Variants in GABPA observed in about 807,000 individuals in gnomAD.
GABPA encodes the protein GA binding protein transcription factor subunit alpha.
A neutral mutation model predicts 59.4 loss-of-function variants in GABPA; 4 were observed. The ratio of observed to expected loss-of-function variants is 0.07; its 90% CI spans 0.03 to 0.15. The LOEUF (loss-of-function observed/expected upper bound fraction) is 0.15, where lower values mean the gene tolerates loss of function less well. GABPA is among the 10% of genes least tolerant of loss of function. GABPA has a pLI of 1.00. For synonymous variants in GABPA, 164 were observed against 183.1 expected, an observed-to-expected ratio of 0.90 and a Z score of 0.84; for missense variants, 251 against 543.8, an observed-to-expected ratio of 0.46 and a Z score of 5.36.
intron 5 of GABPA, among the ~76,000 whole-genome samples, chr21:25,755,578 G>T (rs549270330): frequency 6.6e-6 from 1 of 152,212 alleles, no homozygotes; most frequent in South Asian, 2.1e-4. Flanking sequence ...TTGTGGAACT[G>T]GAAAAGGAAG....
Position 25,735,067 on chromosome 21 carries a change from G to A in GABPA, c.-538G>A. 3 of 1,108,530 alleles carry A rather than the reference G, an allele frequency of 2.7e-6. No individual in the cohort carries two copies. The highest frequency in any genetic ancestry group is 4.0e-6 in the Non-Finnish European group (3 of 755,168). 68.7% of individuals were successfully genotyped at this position (1,108,530 alleles called of 1,614,324 possible). On this transcript the variant is annotated 5_prime_UTR_variant, in exon 1 of 10. Coordinates refer to ENST00000400075, the MANE Select transcript of GABPA (RefSeq NM_002040.4). ...AGAAGCCAAACAGGAGGAGGAAGTG[G>A]AGGGTAAGTGCTTCCGGGTCCCCTG...
chr21:25,771,054 A>G lies in GABPA; in HGVS notation c.*1822A>G, dbSNP rs1401828778. The G allele has an allele frequency of 6.6e-6, 1 of 152,058 alleles. No individual in the cohort carries two copies. The highest frequency in any genetic ancestry group is 1.9e-4 in the East Asian group (1 of 5,202). 9.4% of individuals were successfully genotyped at this position (152,058 alleles called of 1,614,324 possible). A position where few individuals can be genotyped will look rare whatever the true frequency, so the allele number is the denominator to read the frequency against. On this transcript the variant is annotated 3_prime_UTR_variant, in exon 10 of 10. Transcript: ENST00000400075. ...ACAGAAGCTCTAACGTCAGGTAACA[A>G]ATAGACAGCAAGAAAGGTTTTGCAC... is the stretch of plus-strand genomic sequence containing the variant.
At chr21:25,748,315 G>A (rs79095416) in intron 3 of GABPA, among the ~76,000 whole-genome samples, 5 of 152,332 alleles carry the variant, frequency 3.3e-5, no homozygotes, top group South Asian at 4.1e-4. Flanking sequence ...AGTAGGACAT[G>A]CAGCTTTATG....
intron 1 of GABPA, among the ~76,000 whole-genome samples, chr21:25,738,228 C>T (rs918014858): frequency 1.3e-5 from 2 of 152,198 alleles, no homozygotes; most frequent in African/African-American, 4.8e-5. Context: ...GCCGCCGCCC[C>T]CTGCCCCCAA....
intron 9 of GABPA, 56 bp downstream of exon 9, chr21:25,764,843 A>G: frequency 1.5e-6 from 2 of 1,312,156 alleles, no homozygotes; most frequent in Non-Finnish European, 2.1e-6. Context: ...TCTAAAAAAT[A>G]GTTTCTTATT....
At position 25,742,932 on chromosome 21, in the gene GABPA, CAAA is replaced by C. The variant is rs763611466; in HGVS notation, c.77+1270_77+1272del. Among the ~76,000 whole-genome samples the C allele has an allele frequency of 7.3e-3, 735 of 100,686 alleles. 4 individuals carry two copies. The highest frequency in any genetic ancestry group is 7.7e-3 in the Non-Finnish European group (355 of 46,290). 66.1% of individuals were successfully genotyped at this position (100,686 alleles called of 152,430 possible). On this transcript the variant is annotated intron_variant, in intron 2 of 9. Coordinates refer to ENST00000400075, the MANE Select transcript of GABPA (RefSeq NM_002040.4). ...TTAGTGACAGGACAAGGTGCGGTCT[CAAA>C]AAAAAAAAAAAAGCCCAACATTTTT...
intron 2 of GABPA, among the ~76,000 whole-genome samples, chr21:25,744,543 TA>T (rs2035311239): frequency 6.6e-6 from 1 of 152,160 alleles, no homozygotes; most frequent in African/African-American, 2.4e-5. Flanking sequence ...ATTCAGCAAA[TA>T]TTACTTAGTA....
intron 7 of GABPA, 118 bp downstream of exon 7, chr21:25,762,483 T>G: frequency 1.5e-6 from 1 of 650,618 alleles, no homozygotes; most frequent in Non-Finnish European, 2.6e-6. Flanking sequence ...AAAATATCTT[T>G]TGTTCTGTGG....
At chr21:25,737,584 T>C (rs900356288) in intron 1 of GABPA, among the ~76,000 whole-genome samples, 1 of 152,226 alleles carries the variant, frequency 6.6e-6, no homozygotes, top group Non-Finnish European at 1.5e-5. Context: ...ATAAATTTCT[T>C]TGTAGCAACT....
intron 7 of GABPA, chr21:25,762,963 T>TCCA (rs1458041090): frequency 2.6e-6 from 1 of 377,434 alleles, no homozygotes; most frequent in East Asian, 7.3e-5. Context: ...CTTCGCCGCC[T>TCCA]CCACTACTTT....
At chr21:25,757,219 A>G (rs1047153742) in intron 5 of GABPA, among the ~76,000 whole-genome samples, 3 of 152,190 alleles carry the variant, frequency 2.0e-5, no homozygotes, top group Non-Finnish European at 4.4e-5. Flanking sequence ...AATTTAGCTA[A>G]TATGTATTAA....
At chr21:25,760,508 C>T (rs2035739660) in intron 6 of GABPA, among the ~76,000 whole-genome samples, 1 of 152,014 alleles carries the variant, frequency 6.6e-6, no homozygotes, top group Non-Finnish European at 1.5e-5. Flanking sequence ...CACCACCTGC[C>T]TGCAGTCCCC....
Position 25,764,246 on chromosome 21 carries a change from C to T in GABPA, c.839C>T (p.Thr280Ile). The change falls in exon 8 of 10, where the codon ACA becomes ATA. Residue 280 changes from threonine (T) to isoleucine (I), a missense_variant. Transcript: ENST00000400075. The stretch of plus-strand genomic sequence containing the variant: ...ATTCCAGCATCAGTGCAATCTGCTA[C>T]ACCTACTACCATTAAAGTTATAAAT... ...QIIPASVQSA[T>I]PTTIKVINSS... The T allele has an allele frequency of 6.2e-7, 1 of 1,610,742 alleles. No homozygotes were observed. The highest frequency in any genetic ancestry group is 8.5e-7 in the Non-Finnish European group (1 of 1,178,696).
intron 1 of GABPA, among the ~76,000 whole-genome samples, chr21:25,737,388 C>CT (rs1165983074): frequency 5.9e-5 from 9 of 152,284 alleles, no homozygotes; most frequent in Admixed American, 5.9e-4. Context: ...CTTCTCTGGA[C>CT]TAAGCATAGA....
intron 6 of GABPA, among the ~76,000 whole-genome samples, chr21:25,759,303 G>A (rs1417533018): frequency 1.3e-5 from 2 of 152,096 alleles, no homozygotes; most frequent in East Asian, 1.9e-4. Context: ...TATCAGTTAT[G>A]GATGAAAATG....
intron 5 of GABPA, among the ~76,000 whole-genome samples, chr21:25,755,258 G>A (rs1242165343): frequency 1.3e-5 from 2 of 151,838 alleles, no homozygotes; most frequent in Non-Finnish European, 2.9e-5. Context: ...AGACCAGCCT[G>A]GGCTATATAG....
chr21:25,759,581 G>A (rs1422151874), intron 6 of GABPA, among the ~76,000 whole-genome samples: 2 of 152,088 alleles, frequency 1.3e-5, no homozygotes, highest in African/African-American at 4.8e-5. Flanking sequence ...TTTTATTCTT[G>A]TGAGGATTCT....
intron 3 of GABPA, among the ~76,000 whole-genome samples, chr21:25,746,651 G>A (rs1459265335): frequency 6.7e-6 from 1 of 148,778 alleles, no homozygotes; most frequent in Non-Finnish European, 1.5e-5. Flanking sequence ...ACTAGGGCAT[G>A]TGGGAAAGTC....
chr21:25,760,979 G>C (rs549470629), intron 6 of GABPA, among the ~76,000 whole-genome samples: 2 of 152,118 alleles, frequency 1.3e-5, no homozygotes, highest in Non-Finnish European at 2.9e-5. Flanking sequence ...GATTATGCCT[G>C]TGCTGTGTGA....
Sources: gnomAD v4.1 joint callset for allele counts (sites outside exome capture counted in the v4.1 genomes callset) on GRCh38, gnomAD v4.1.1 for gene constraint, MANE v1.5 for transcripts, NCBI Gene and HGNC (gene_info 2026-07-23, HGNC 2026-07-21) for gene names.